STEAP3: variants seen among roughly 807,000 people sequenced by gnomAD.
STEAP3 encodes the protein STEAP3 metalloreductase.
In STEAP3, 35 loss-of-function variants were observed where a neutral mutation model predicts 34.9. That is an observed-to-expected ratio of 1.00 (90% confidence interval 0.76 to 1.33). STEAP3 has a LOEUF of 1.33. Ranked by LOEUF, STEAP3 falls within the 40% of genes most tolerant of loss-of-function variation. The pLI, the probability that STEAP3 is intolerant of heterozygous loss-of-function variation, is 0.00. For missense variants in STEAP3, 652 were observed against 667.6 expected, an observed-to-expected ratio of 0.98 and a Z score of 0.26; for synonymous variants, 281 against 301.6, an observed-to-expected ratio of 0.93 and a Z score of 0.71.
rs78119540 is a variant in STEAP3, at chr2:119,247,043, A to G, written c.523-636A>G. Among the ~76,000 whole-genome samples, 1,269 of 152,292 alleles carry G rather than the reference A, an allele frequency of 8.3e-3. 6 individuals carry two copies. The highest frequency in any genetic ancestry group is 0.014 in the Non-Finnish European group (946 of 68,028). Reference sequence around the variant, plus strand: ...TGTTCAGTCTGTGTTTGGAGACTAAACTGACCAATGCAGTGTCAACAAGGC... The same window carrying G: ...TGTTCAGTCTGTGTTTGGAGACTAAGCTGACCAATGCAGTGTCAACAAGGC... On this transcript the variant is annotated intron_variant, in intron 3 of 5. Transcript: ENST00000393110.
At chr2:119,250,539 A>G (rs1677592788) in intron 4 of STEAP3, among the ~76,000 whole-genome samples, 1 of 152,178 alleles carries the variant, frequency 6.6e-6, no homozygotes, top group Admixed American at 6.5e-5. Flanking sequence ...GGGGACTAGT[A>G]CAATGTTGCT....
intron 1 of STEAP3, among the ~76,000 whole-genome samples, chr2:119,227,129 G>A (rs961506659): frequency 4.6e-5 from 7 of 152,278 alleles, no homozygotes; most frequent in Admixed American, 6.5e-5. Context: ...TGCCCTCTGC[G>A]TACTTGCGAA....
At chr2:119,231,799 A>T (rs1284885362) in intron 2 of STEAP3, among the ~76,000 whole-genome samples, 1 of 152,180 alleles carries the variant, frequency 6.6e-6, no homozygotes, top group Non-Finnish European at 1.5e-5. Flanking sequence ...AACGTTTGTA[A>T]GAGTCCATCA....
At position 119,263,599 on chromosome 2, in the gene STEAP3, T is replaced by C; in HGVS notation, c.*261T>C. The C allele has an allele frequency of 1.8e-6, 1 of 556,516 alleles. No individual in the cohort carries two copies. The highest frequency in any genetic ancestry group is 3.2e-6 in the Non-Finnish European group (1 of 312,194). The allele number at this position is 556,516 out of a possible 1,614,324, so 34.5% of individuals were successfully genotyped here. ...AGCTAAAAAGTTGGGTCTCTGAGAT[T>C]TCAACTTGTAGATTTAAAAACAAGT... On this transcript the variant is annotated 3_prime_UTR_variant, in exon 6 of 6. Coordinates refer to ENST00000393110, the MANE Select transcript of STEAP3 (RefSeq NM_182915.3).
chr2:119,242,042 G>T (rs562133252), intron 2 of STEAP3, among the ~76,000 whole-genome samples: 2 of 152,136 alleles, frequency 1.3e-5, no homozygotes, highest in African/African-American at 2.4e-5. Context: ...AGTCATTGGC[G>T]ATGGGTCTTA....
chr2:119,247,894 G>A lies in STEAP3; in HGVS notation c.738G>A (p.Leu246=), dbSNP rs1401195991. 1 of 1,613,876 alleles carries A rather than the reference G, an allele frequency of 6.2e-7. No homozygotes were observed. ...CCTACAACTTCGTCCGGGACGTTCT[G>A]CAGCCCTATGTGCAGGAAAGCCAGA... The part of the protein sequence containing the change: ...FYAYNFVRDV[L]QPYVQESQNK... The change falls in exon 4 of 6, where the codon CTG becomes CTA. Residue 246 remains leucine (L), a synonymous_variant. Coordinates refer to ENST00000393110, the MANE Select transcript of STEAP3 (RefSeq NM_182915.3).
chr2:119,237,055 T>G (rs1372149000), intron 2 of STEAP3, among the ~76,000 whole-genome samples: 1 of 152,216 alleles, frequency 6.6e-6, no homozygotes, highest in East Asian at 1.9e-4. Context: ...TTCAGAAGGT[T>G]GCAGAGCCAC....
In STEAP3 at chr2:119,229,524, G is replaced by A. The variant is rs1679149900; in HGVS notation, c.-393-1096G>A. Among the ~76,000 whole-genome samples the A allele has an allele frequency of 2.0e-5, 3 of 152,294 alleles. No individual in the cohort carries two copies. The East Asian group carries it at 5.8e-4, about 29-fold the overall frequency. On this transcript the variant is annotated intron_variant, in intron 1 of 5. Transcript: ENST00000393110. Reference sequence around the variant, plus strand: ...TGTGTTTAGGGGTTTCATATTCACTGTTTAATCATCAGGACAGAGAGGGAA... The same window carrying A: ...TGTGTTTAGGGGTTTCATATTCACTATTTAATCATCAGGACAGAGAGGGAA...
intron 4 of STEAP3, among the ~76,000 whole-genome samples, chr2:119,253,241 G>A (rs55678108): frequency 2.0e-5 from 3 of 152,174 alleles, no homozygotes; most frequent in Non-Finnish European, 4.4e-5. Context: ...GTCAGGACAA[G>A]AGGCTGGGTC....
intron 1 of STEAP3, among the ~76,000 whole-genome samples, chr2:119,224,299 T>C (rs1004346014): frequency 6.6e-5 from 10 of 152,294 alleles, no homozygotes; most frequent in African/African-American, 2.4e-4. Flanking sequence ...GCGGGGATCT[T>C]CCAGGCTCTT....
At chr2:119,229,598 C>T (rs771963504) in intron 1 of STEAP3, among the ~76,000 whole-genome samples, 27 of 152,228 alleles carry the variant, frequency 1.8e-4, no homozygotes, top group Non-Finnish European at 2.1e-4. Context: ...GACCGGAATT[C>T]ACACACATCT....
At position 119,257,394 on chromosome 2, in the gene STEAP3, G is replaced by A. The variant is rs374203476; in HGVS notation, c.1215+2546G>A. The A allele has an allele frequency of 3.6e-5, 51 of 1,403,930 alleles. No homozygotes were observed. The African/African-American group carries it at 4.1e-4, about 11-fold the overall frequency. The allele number at this position is 1,403,930 out of a possible 1,614,324, so 87.0% of individuals were successfully genotyped here. ...TCCCATCCGTGGACTCAGATGCTGA[G>A]GGATGGCTCTGGCAATCTATTTTTG... On this transcript the variant is annotated intron_variant, in intron 5 of 5. Coordinates refer to ENST00000393110, the MANE Select transcript of STEAP3 (RefSeq NM_182915.3).
intron 2 of STEAP3, among the ~76,000 whole-genome samples, chr2:119,241,302 C>G (rs1277448889): frequency 5.9e-5 from 9 of 152,156 alleles, no homozygotes; most frequent in Non-Finnish European, 1.3e-4. Flanking sequence ...TCCCCAGCAG[C>G]CCCACCCACA....
intron 4 of STEAP3, 110 bp downstream of exon 4, chr2:119,248,316 G>A (rs1446082543): frequency 5.6e-6 from 7 of 1,258,714 alleles, no homozygotes; most frequent in Non-Finnish European, 7.6e-6. Context: ...AGCCTTACCA[G>A]GTGCCAACTG....
In STEAP3 at chr2:119,263,890, G is replaced by A. The variant is rs1678027394; in HGVS notation, c.*552G>A. ...TTCCCTCCACCTGGGGCAGCAGCAGGAGGCCTGGGGAGGAGGAAAATCAGG... is the reference window on the plus strand; with the variant it reads ...TTCCCTCCACCTGGGGCAGCAGCAGAAGGCCTGGGGAGGAGGAAAATCAGG... On this transcript the variant is annotated 3_prime_UTR_variant, in exon 6 of 6. Transcript: ENST00000393110. 5.5e-6 allele frequency: 1 copy of A among 180,488 alleles called. No homozygotes were observed. Among genetic ancestry groups the A allele is most frequent in the African/African-American group, 2.4e-5 (1 of 41,880 alleles). 11.2% of individuals were successfully genotyped at this position (180,488 alleles called of 1,614,324 possible).
chr2:119,251,680 C>A (rs1220329656), intron 4 of STEAP3, among the ~76,000 whole-genome samples: 1 of 152,018 alleles, frequency 6.6e-6, no homozygotes. Flanking sequence ...ATGGTAGAAC[C>A]CTCACTATGC....
chr2:119,249,546 T>A (rs751691431), intron 4 of STEAP3, among the ~76,000 whole-genome samples: 4 of 152,126 alleles, frequency 2.6e-5, no homozygotes, highest in Non-Finnish European at 4.4e-5. Flanking sequence ...CATTCCAGCC[T>A]GGCAGCCCCT....
chr2:119,254,743 C>G lies in STEAP3; in HGVS notation c.1110C>G (p.Tyr370Ter). 1 of 1,614,184 alleles carries G rather than the reference C, an allele frequency of 6.2e-7. No homozygotes were observed. Among genetic ancestry groups the G allele is most frequent in the South Asian group, 1.1e-5 (1 of 91,084 alleles). The change falls in exon 5 of 6, where the codon TAC becomes TAG. Residue 370 changes from tyrosine to a stop codon, truncating the protein, a stop_gained. Coordinates refer to ENST00000393110, the MANE Select transcript of STEAP3 (RefSeq NM_182915.3). LOFTEE classifies it high-confidence loss of function. The stretch of plus-strand genomic sequence containing the variant: ...AGGAGGTCTGGCGGATGGAGATCTA[C>G]CTCTCCCTGGGAGTGCTGGCCCTCG... ...VEEEVWRMEI[Y>*]LSLGVLALGT...
chr2:119,226,311 G>A (rs1679038760), intron 1 of STEAP3, among the ~76,000 whole-genome samples: 2 of 152,178 alleles, frequency 1.3e-5, no homozygotes, highest in Admixed American at 6.5e-5. Flanking sequence ...GTCCACCCAC[G>A]GTGCGTAGTG....
Sources: gnomAD v4.1 joint callset for allele counts (sites outside exome capture counted in the v4.1 genomes callset) on GRCh38, gnomAD v4.1.1 for gene constraint, MANE v1.5 for transcripts, NCBI Gene and HGNC (gene_info 2026-07-23, HGNC 2026-07-21) for gene names.